Variants in MEI1 observed in about 807,000 individuals in gnomAD.
MEI1 encodes meiosis inhibitor protein 1.
Under a neutral mutation model 146.2 loss-of-function variants are expected in MEI1, and 103 were observed. That is an observed-to-expected ratio of 0.70 (90% CI 0.60 to 0.83). MEI1 has a LOEUF of 0.83. Among genes scored for constraint, MEI1 ranks in the 40% least tolerant of loss-of-function variants. MEI1 has a pLI of 0.00. For synonymous variants in MEI1, 652 were observed against 628.2 expected, an observed-to-expected ratio of 1.04 and a Z score of -0.57; for missense variants, 1,529 against 1,533.0, an observed-to-expected ratio of 1.00 and a Z score of 0.04.
At chr22:41,705,800 CG>C (rs1373433824) in intron 3 of MEI1, among the ~76,000 whole-genome samples, 32 of 149,486 alleles carry the variant, frequency 2.1e-4, no homozygotes, top group African/African-American at 7.4e-4. Context: ...CTCTGCCTCG[CG>C]GGTTCAAGCG....
At chr22:41,741,906 T>C (rs1172228298) in intron 11 of MEI1, among the ~76,000 whole-genome samples, 1 of 145,946 alleles carries the variant, frequency 6.9e-6, no homozygotes, top group Non-Finnish European at 1.5e-5. Context: ...ATTGCGCCAC[T>C]GTACCCCAGC....
intron 11 of MEI1, among the ~76,000 whole-genome samples, chr22:41,734,445 T>C (rs2072148904): frequency 6.6e-6 from 1 of 151,778 alleles, no homozygotes; most frequent in Non-Finnish European, 1.5e-5. Flanking sequence ...ATACAAAAAT[T>C]AGTTGGGCAT....
intron 26 of MEI1, among the ~76,000 whole-genome samples, chr22:41,786,877 TTATG>T (rs2076007035): frequency 5.3e-5 from 8 of 152,328 alleles, no homozygotes; most frequent in Admixed American, 5.2e-4. Flanking sequence ...AGATCAGTGT[TTATG>T]TAGCCATCAT....
chr22:41,750,374 A>C (rs554271126), intron 15 of MEI1, among the ~76,000 whole-genome samples: 74 of 152,320 alleles, frequency 4.9e-4, no homozygotes, highest in Non-Finnish European at 9.0e-4. Context: ...CCCAGAAGTC[A>C]AGTAAGATGA....
intron 4 of MEI1, 53 bp from the exon 5 acceptor site, chr22:41,715,988 G>T: frequency 1.5e-6 from 2 of 1,308,720 alleles, no homozygotes; most frequent in Admixed American, 4.0e-5. Flanking sequence ...AGTTTTGGTG[G>T]AAGATCTGTC....
At chr22:41,761,065 A>G (rs2074455722) in intron 18 of MEI1, among the ~76,000 whole-genome samples, 1 of 152,050 alleles carries the variant, frequency 6.6e-6, no homozygotes, top group Admixed American at 6.6e-5. Flanking sequence ...TAATCTCAGC[A>G]CTTTGGAAGG....
intron 19 of MEI1, among the ~76,000 whole-genome samples, chr22:41,769,826 T>G (rs1373417813): frequency 6.6e-6 from 1 of 151,836 alleles, no homozygotes; most frequent in Non-Finnish European, 1.5e-5. Context: ...GAGGTAGGTT[T>G]GTGAGGAGTA....
At chr22:41,728,860 C>CA (rs112016114) in intron 7 of MEI1, among the ~76,000 whole-genome samples, 11,537 of 136,224 alleles carry the variant, frequency 0.085, 1,259 homozygotes, top group African/African-American at 0.26. Flanking sequence ...GACCCTGTGT[C>CA]AAAAAAAAAC....
chr22:41,710,847 T>C (rs1046261018), intron 3 of MEI1, among the ~76,000 whole-genome samples: 1 of 152,224 alleles, frequency 6.6e-6, no homozygotes, highest in African/African-American at 2.4e-5. Context: ...CTCCATTTGC[T>C]GTTGGCAGGT....
At chr22:41,716,995 ATTCT>A (rs201981135) in intron 5 of MEI1, among the ~76,000 whole-genome samples, 2,138 of 151,796 alleles carry the variant, frequency 0.014, 23 homozygotes, top group Non-Finnish European at 0.02. Context: ...GGCTCCATTC[ATTCT>A]TTAACACAAA....
Position 41,758,388 on chromosome 22 carries a change from C to T in MEI1, c.1975C>T (p.Leu659=), listed in dbSNP as rs1242868188. 1 of 1,613,708 alleles carries T rather than the reference C, an allele frequency of 6.2e-7. No homozygotes were observed. The highest frequency in any genetic ancestry group is 8.5e-7 in the Non-Finnish European group (1 of 1,179,740). Residue 659 remains leucine, a synonymous_variant, in exon 18 of 31, where the codon CTG becomes TTG. Coordinates refer to ENST00000401548, the MANE Select transcript of MEI1 (RefSeq NM_152513.4). The stretch of plus-strand genomic sequence containing the variant: ...AGAACTCTCTGCAGTGTCTGAGCTC[C>T]TGCAGCATGGGCTGCCCCAGATAAG... The part of the protein sequence containing the change: ...KEELSAVSEL[L]QHGLPQISSR...
chr22:41,779,738 G>T (rs963329609), intron 22 of MEI1, among the ~76,000 whole-genome samples: 6 of 152,096 alleles, frequency 3.9e-5, no homozygotes, highest in African/African-American at 1.4e-4. Flanking sequence ...CCTGGCACAA[G>T]GTCAGCTCTC....
intron 3 of MEI1, among the ~76,000 whole-genome samples, chr22:41,707,028 CAAAAAAAA>C (rs59421678): frequency 0.28 from 37,051 of 130,778 alleles, 5,904 homozygotes; most frequent in Non-Finnish European, 0.36. Context: ...CCATCTCTAC[CAAAAAAAA>C]AAAAAAAAAA....
At chr22:41,798,125 AC>A (rs1339289666) in intron 30 of MEI1, among the ~76,000 whole-genome samples, 1 of 22,334 alleles carries the variant, frequency 4.5e-5, no homozygotes, top group South Asian at 1.3e-3. Flanking sequence ...CAACACACAC[AC>A]ACACACACAC....
chr22:41,733,094 A>AATGG (rs1906840916), intron 11 of MEI1, among the ~76,000 whole-genome samples: 1 of 151,654 alleles, frequency 6.6e-6, no homozygotes, highest in Non-Finnish European at 1.5e-5. Context: ...AATTTTAAAG[A>AATGG]ATGGATGGTT....
At chr22:41,764,939 C>A (rs5996061) in intron 19 of MEI1, among the ~76,000 whole-genome samples, 17 of 152,210 alleles carry the variant, frequency 1.1e-4, no homozygotes, top group African/African-American at 4.1e-4. Context: ...GAACTTCAGT[C>A]TTGATTTTTT....
At chr22:41,776,079 T>A (rs781187660) in intron 20 of MEI1, 23 bp from the exon 21 acceptor site, 9 of 1,610,678 alleles carry the variant, frequency 5.6e-6, no homozygotes, top group Non-Finnish European at 7.6e-6. Context: ...CTCTGATCTC[T>A]GGCTTTCTTC....
At chr22:41,758,141 A>T (rs896470180) in intron 17 of MEI1, among the ~76,000 whole-genome samples, 3 of 152,002 alleles carry the variant, frequency 2.0e-5, no homozygotes, top group African/African-American at 7.2e-5. Flanking sequence ...ATGAACGTTA[A>T]TTTTTGAGAC....
intron 5 of MEI1, among the ~76,000 whole-genome samples, chr22:41,716,739 G>T (rs1454750091): frequency 7.0e-6 from 1 of 142,554 alleles, no homozygotes; most frequent in Non-Finnish European, 1.5e-5. Flanking sequence ...GCCCAGGCTG[G>T]AGTGCAGTGG....
Sources: gnomAD v4.1 joint callset for allele counts (sites outside exome capture counted in the v4.1 genomes callset) on GRCh38, gnomAD v4.1.1 for gene constraint, MANE v1.5 for transcripts, NCBI Gene and HGNC (gene_info 2026-07-23, HGNC 2026-07-21) for gene names.